PABPC4L: variants seen among roughly 807,000 people sequenced by gnomAD.
PABPC4L encodes poly(A) binding protein cytoplasmic 4 like.
For synonymous variants in PABPC4L, 169 were observed against 164.1 expected, an observed-to-expected ratio of 1.03 and a Z score of -0.23; for missense variants, 452 against 451.4, an observed-to-expected ratio of 1.00 and a Z score of -0.01.
At chr4:134,060,858 G>A in the PABPC4L span, among the ~76,000 whole-genome samples, 1 of 152,002 alleles carries the variant, frequency 6.6e-6, no homozygotes, top group Non-Finnish European at 1.5e-5. Context: ...ATTTGTGAGA[G>A]CTAAATATTA....
At chr4:134,180,043 G>A in the PABPC4L span, among the ~76,000 whole-genome samples, 2 of 152,006 alleles carry the variant, frequency 1.3e-5, no homozygotes. Context: ...CAGACAAAAT[G>A]GTTCTAATAC....
chr4:134,200,209 G>T lies in PABPC4L; in HGVS notation c.811C>A (p.Arg271=), dbSNP rs779118612. Residue 271 remains arginine (R), a synonymous_variant, in exon 2 of 2, where the codon CGA becomes AGA. Transcript: ENST00000421491. ...AACATTTGCTTTAACTCAGCCTGTC[G>T]CTCGACTTTCTTTTGAGCCCGGCCT... The part of the protein sequence containing the change: ...FVGRAQKKVE[R]QAELKQMFEQ... The T allele has an allele frequency of 6.4e-7, 1 of 1,551,554 alleles. No homozygotes were observed. The highest frequency in any genetic ancestry group is 8.7e-7 in the Non-Finnish European group (1 of 1,146,978).
chr4:134,199,940 T>C lies in PABPC4L; in HGVS notation c.1080A>G (p.Lys360=). 1 of 1,551,570 alleles carries C rather than the reference T, an allele frequency of 6.4e-7. No individual in the cohort carries two copies. Among genetic ancestry groups the C allele is most frequent in the African/African-American group, 1.4e-5 (1 of 73,122 alleles). Residue 360 remains lysine (K), a synonymous_variant, in exon 2 of 2, where the codon AAA becomes AAG. Transcript: ENST00000421491. ...TEMNGRILGS[K]PLSIALAQRH Reference sequence around the variant, plus strand: ...TCTGGGCCAAGGCAATGCTAAGAGGTTTGGAGCCCAAGATGCGGCCATTCA... The same window carrying C: ...TCTGGGCCAAGGCAATGCTAAGAGGCTTGGAGCCCAAGATGCGGCCATTCA...
the PABPC4L span, among the ~76,000 whole-genome samples, chr4:134,017,631 T>G: frequency 1.3e-5 from 2 of 152,182 alleles, no homozygotes; most frequent in African/African-American, 4.8e-5. Context: ...TCTAATTAGA[T>G]GTCCTGGGTC....
At chr4:134,191,060 C>T in the PABPC4L span, among the ~76,000 whole-genome samples, 1 of 152,216 alleles carries the variant, frequency 6.6e-6, no homozygotes, top group East Asian at 1.9e-4. Context: ...AGTTGAATTG[C>T]ATAATTGTCA....
chr4:134,126,274 T>C, the PABPC4L span, among the ~76,000 whole-genome samples: 9 of 152,134 alleles, frequency 5.9e-5, no homozygotes, highest in Non-Finnish European at 8.8e-5. Context: ...CTATCCCCAC[T>C]GTCAAACTAC....
the PABPC4L span, among the ~76,000 whole-genome samples, chr4:134,141,024 T>C: frequency 6.6e-6 from 1 of 151,862 alleles, no homozygotes; most frequent in Non-Finnish European, 1.5e-5. Flanking sequence ...AATTAGGATG[T>C]GCAAATTTTA....
chr4:134,149,969 T>C, the PABPC4L span, among the ~76,000 whole-genome samples: 1 of 152,108 alleles, frequency 6.6e-6, no homozygotes, highest in Non-Finnish European at 1.5e-5. Context: ...GGAGCCCATA[T>C]TGGGCCCAGG....
the PABPC4L span, among the ~76,000 whole-genome samples, chr4:133,996,846 A>G: frequency 6.6e-6 from 1 of 152,090 alleles, no homozygotes; most frequent in South Asian, 2.1e-4. Context: ...AGCAAACACA[A>G]TTTGTAGGTA....
At chr4:133,983,285 T>C in the PABPC4L span, among the ~76,000 whole-genome samples, 27 of 152,056 alleles carry the variant, frequency 1.8e-4, no homozygotes, top group East Asian at 5.0e-3. Context: ...ATAAACTTTC[T>C]CAACAGGAAG....
the PABPC4L span, among the ~76,000 whole-genome samples, chr4:133,955,998 A>G: frequency 7.4e-4 from 112 of 152,294 alleles, 3 homozygotes; most frequent in East Asian, 0.015. Flanking sequence ...CTTATCTATT[A>G]AATTAATTTG....
chr4:134,174,677 T>C, the PABPC4L span, among the ~76,000 whole-genome samples: 826 of 152,318 alleles, frequency 5.4e-3, 4 homozygotes, highest in South Asian at 8.3e-3. Flanking sequence ...TATATGTTTA[T>C]ATGTGTCTGC....
chr4:134,136,506 C>A, the PABPC4L span, among the ~76,000 whole-genome samples: 2 of 151,890 alleles, frequency 1.3e-5, no homozygotes, highest in Non-Finnish European at 2.9e-5. Flanking sequence ...TTTCTCCAAT[C>A]TCAATTTTGT....
chr4:134,146,772 G>A, the PABPC4L span, among the ~76,000 whole-genome samples: 1 of 152,070 alleles, frequency 6.6e-6, no homozygotes, highest in Non-Finnish European at 1.5e-5. Flanking sequence ...TGGTCCATGG[G>A]TGGTCTTGGA....
At chr4:134,182,888 A>C in the PABPC4L span, among the ~76,000 whole-genome samples, 5 of 152,088 alleles carry the variant, frequency 3.3e-5, no homozygotes, top group Non-Finnish European at 7.4e-5. Flanking sequence ...GGGAAATTCA[A>C]ATCAAAACCA....
the PABPC4L span, among the ~76,000 whole-genome samples, chr4:134,141,439 A>C: frequency 6.7e-6 from 1 of 148,930 alleles, no homozygotes; most frequent in South Asian, 2.1e-4. Flanking sequence ...TGAGAAAAAG[A>C]AAGTAAATAG....
the PABPC4L span, among the ~76,000 whole-genome samples, chr4:134,015,251 TC>T: frequency 1.3e-5 from 2 of 151,912 alleles, 1 homozygote; most frequent in Admixed American, 1.3e-4. Flanking sequence ...TCCTTACAAT[TC>T]CCCCGTTTTA....
chr4:133,952,505 G>A, the PABPC4L span, among the ~76,000 whole-genome samples: 1 of 152,180 alleles, frequency 6.6e-6, no homozygotes, highest in South Asian at 2.1e-4. Flanking sequence ...GAATTGGAGT[G>A]TTGTATGGTG....
chr4:134,057,259 C>T, the PABPC4L span, among the ~76,000 whole-genome samples: 1 of 151,968 alleles, frequency 6.6e-6, no homozygotes, highest in East Asian at 1.9e-4. Context: ...TTATAGTCTG[C>T]TTTGTCTCTG....
Sources: gnomAD v4.1 joint callset for allele counts (sites outside exome capture counted in the v4.1 genomes callset) on GRCh38, gnomAD v4.1.1 for gene constraint, MANE v1.5 for transcripts, NCBI Gene and HGNC (gene_info 2026-07-23, HGNC 2026-07-21) for gene names.